The following PRKN variants were observed in gnomAD, a reference collection of about 807,000 sequenced individuals.
PRKN encodes the protein E3 ubiquitin-protein ligase parkin.
In PRKN, 56 loss-of-function variants were observed where a neutral mutation model predicts 59.5. The observed-to-expected ratio is 0.94, with a 90% confidence interval of 0.76 to 1.18. The LOEUF is 1.18. PRKN is among the 50% of genes most tolerant of loss of function. The probability of loss-of-function intolerance (pLI) is 0.00; values close to 1 mark genes in which losing one functional copy is unlikely to be tolerated. For synonymous variants in PRKN, 250 were observed against 222.1 expected (o/e 1.13, Z -1.12); for missense variants, 657 against 596.4 (o/e 1.10, Z -1.06).
intron 2 of PRKN, chr6:162,275,475 T>C (rs1033814725): frequency 3.3e-5 from 5 of 152,110 alleles, no homozygotes; most frequent in Non-Finnish European, 7.4e-5. Flanking sequence ...ATGCAATTTT[T>C]AAAAGCATTA....
At chr6:162,136,336 A>C (rs1781563876) in intron 4 of PRKN, among the ~76,000 whole-genome samples, 1 of 152,116 alleles carries the variant, frequency 6.6e-6, no homozygotes, top group Non-Finnish European at 1.5e-5. Context: ...TTTGAATATA[A>C]CTTAGCTACT....
At position 161,912,304 on chromosome 6, in the gene PRKN, T is replaced by C. The variant is rs536359706; in HGVS notation, c.734+60998A>G. On this transcript the variant is annotated intron_variant, in intron 6 of 11. Coordinates refer to ENST00000366898, the MANE Select transcript of PRKN (RefSeq NM_004562.3). ...TGCAAACCTCTGACTACCAATAAAA[T>C]GTTTAAACTATTTCTATGGCAACGT... 1.2e-3 allele frequency among the ~76,000 whole-genome samples: 177 copies of C among 151,832 alleles called. 1 individual carries two copies. Among genetic ancestry groups the C allele is most frequent in the African/African-American group, 4.1e-3 (168 of 41,364 alleles).
At chr6:162,356,219 G>A (rs1003131941) in intron 2 of PRKN, among the ~76,000 whole-genome samples, 11 of 152,084 alleles carry the variant, frequency 7.2e-5, no homozygotes, top group East Asian at 1.9e-4. Context: ...AATTGACTAC[G>A]TAATGTAGAA....
At chr6:162,580,916 T>C (rs1023313314) in intron 1 of PRKN, among the ~76,000 whole-genome samples, 4 of 152,174 alleles carry the variant, frequency 2.6e-5, no homozygotes, top group African/African-American at 4.8e-5. Context: ...AAGACAGACA[T>C]CATTCAGTGG....
intron 9 of PRKN, among the ~76,000 whole-genome samples, chr6:161,412,071 TTCACTCATTCCTTCC>T (rs1397109156): frequency 5.2e-5 from 7 of 134,822 alleles, no homozygotes; most frequent in Non-Finnish European, 9.5e-5. Context: ...CATTCCTCCA[TTCACTCATTCCTTCC>T]TCACTCATTC....
In PRKN at chr6:161,442,673, A is replaced by C. The variant is rs1319724514; in HGVS notation, c.1084-55796T>G. On this transcript the variant is annotated intron_variant, in intron 9 of 11. Transcript: ENST00000366898. This position sits in a 1 kb window ranked among gnomAD's most constrained non-coding sequence, Gnocchi z 4.6. ...GGACTCCCAGCTGAAGGTGGCTTGGAATTTAGCTGTTCCTTCGGGGCCCCG... is the reference window on the plus strand; with the variant it reads ...GGACTCCCAGCTGAAGGTGGCTTGGCATTTAGCTGTTCCTTCGGGGCCCCG... Among the ~76,000 whole-genome samples, 2 of 152,158 alleles carry C rather than the reference A, an allele frequency of 1.3e-5. No homozygotes were observed. Among genetic ancestry groups the C allele is most frequent in the Non-Finnish European group, 2.9e-5 (2 of 68,012 alleles).
intron 3 of PRKN, among the ~76,000 whole-genome samples, chr6:162,246,455 T>C (rs372737944): frequency 2.6e-5 from 4 of 152,000 alleles, no homozygotes; most frequent in Non-Finnish European, 5.9e-5. Context: ...AATAATGACA[T>C]ATACAAATGG....
At chr6:162,639,983 A>C (rs1777899921) in intron 1 of PRKN, among the ~76,000 whole-genome samples, 1 of 152,228 alleles carries the variant, frequency 6.6e-6, no homozygotes, top group East Asian at 1.9e-4. Context: ...TGAGTGTAGG[A>C]GACTCAGCCC....
At chr6:162,069,562 A>T (rs1242262479) in intron 4 of PRKN, among the ~76,000 whole-genome samples, 1 of 152,210 alleles carries the variant, frequency 6.6e-6, no homozygotes, top group Non-Finnish European at 1.5e-5. Flanking sequence ...GAGTGTATAT[A>T]TTCCTTTCTA....
At chr6:162,474,689 G>T (rs1791916223) in intron 1 of PRKN, among the ~76,000 whole-genome samples, 1 of 152,170 alleles carries the variant, frequency 6.6e-6, no homozygotes, top group South Asian at 2.1e-4. Context: ...AAGATTCAAA[G>T]ATTTGCTAGA....
chr6:162,291,098 C>T (rs550186767), intron 2 of PRKN, among the ~76,000 whole-genome samples: 60 of 152,134 alleles, frequency 3.9e-4, no homozygotes, highest in African/African-American at 1.3e-3. Flanking sequence ...TTTGCTGAGA[C>T]GGAGGCACAT....
chr6:162,216,836 C>T (rs1199516461), intron 3 of PRKN, among the ~76,000 whole-genome samples: 1 of 152,078 alleles, frequency 6.6e-6, no homozygotes, highest in African/African-American at 2.4e-5. Context: ...AAAATGAAAT[C>T]TTTCTTTTGG....
At chr6:161,999,141 T>C (rs1336758696) in intron 5 of PRKN, among the ~76,000 whole-genome samples, 1 of 152,086 alleles carries the variant, frequency 6.6e-6, no homozygotes, top group Non-Finnish European at 1.5e-5. Context: ...GATTCTCCTA[T>C]AAACCCCTCT....
chr6:162,319,747 T>G (rs1444262513), intron 2 of PRKN, among the ~76,000 whole-genome samples: 1 of 151,940 alleles, frequency 6.6e-6, no homozygotes, highest in Non-Finnish European at 1.5e-5. Flanking sequence ...TTAGAGGAAA[T>G]TAAGAGAGAC....
In PRKN at chr6:161,379,167, G is replaced by T. The variant is rs1785861592; in HGVS notation, c.1167+7627C>A. On this transcript the variant is annotated intron_variant, in intron 10 of 11. Transcript: ENST00000366898. The surrounding 1 kb of genome is among the most constrained non-coding windows in gnomAD (Gnocchi z 4.9). ...CAGGTGGTTCACTGTGGCATCTCTT[G>T]GTCCTCCCCTGCCCAATGTTGATAG... 6.6e-6 allele frequency among the ~76,000 whole-genome samples: 1 copy of T among 152,106 alleles called. No individual in the cohort carries two copies. The highest frequency in any genetic ancestry group is 2.4e-5 in the African/African-American group (1 of 41,402).
chr6:161,439,725 G>T (rs150043147), intron 9 of PRKN, among the ~76,000 whole-genome samples: 1 of 152,014 alleles, frequency 6.6e-6, no homozygotes, highest in Non-Finnish European at 1.5e-5. Context: ...TGCTTACTGC[G>T]CATCTGAACG....
chr6:161,755,764 C>T (rs9295161), intron 7 of PRKN, among the ~76,000 whole-genome samples: 47,950 of 151,926 alleles, frequency 0.32, 7,747 homozygotes, highest in South Asian at 0.44. Flanking sequence ...CCTCATTTCA[C>T]ATTCTGTTAA....
chr6:162,262,619 G>T lies in PRKN; in HGVS notation c.318C>A (p.Asp106Glu). ...CTCCTGGGAGGACTGAGCTGCTGAG[G>T]TCCACCCGAGTCAAGCTCTGGGGCT... ...EREPQSLTRV[D>E]LSSSVLPGDS... Residue 106 changes from aspartate (D) to glutamate (E), a missense_variant, in exon 3 of 12, where the codon GAC becomes GAA. Asp to Glu is a conservative substitution (Grantham distance 45). Transcript: ENST00000366898. The T allele has an allele frequency of 6.2e-7, 1 of 1,613,800 alleles. No individual in the cohort carries two copies. The highest frequency in any genetic ancestry group is 8.5e-7 in the Non-Finnish European group (1 of 1,179,972).
At chr6:161,569,295 T>G in intron 8 of PRKN, 60 bp downstream of exon 8, 1 of 1,503,082 alleles carries the variant, frequency 6.7e-7, no homozygotes, top group Non-Finnish European at 9.3e-7. Flanking sequence ...GAGCCCAAAC[T>G]GTCTCATTAG....
Sources: allele counts gnomAD v4.1 joint callset (sites outside exome capture counted in the v4.1 genomes callset), GRCh38; gene constraint gnomAD v4.1.1; non-coding constraint Gnocchi (gnomAD v3.1); transcripts MANE v1.5; gene names NCBI Gene and HGNC (gene_info 2026-07-23, HGNC 2026-07-21).